PTOV1: variants seen among roughly 807,000 people sequenced by gnomAD.
PTOV1 encodes prostate tumor-overexpressed gene 1 protein.
PTOV1 carries 20 observed loss-of-function variants against 58.0 expected under a neutral mutation model. That is an observed-to-expected ratio of 0.34 (90% CI 0.24 to 0.50). The LOEUF is 0.50. Among genes scored for constraint, PTOV1 ranks in the 20% least tolerant of loss-of-function variants. The pLI is 0.98. For missense variants in PTOV1, 593 were observed against 565.4 expected (o/e 1.05, Z -0.50); for synonymous variants, 335 against 234.2 (o/e 1.43, Z -3.93).
At chr19:49,860,640 TG>T in exon 12 of PTOV1, 1 of 443,142 alleles carries the variant, frequency 2.3e-6, no homozygotes, top group Non-Finnish European at 4.0e-6. Context: ...CAGGGGCCCC[TG>T]GGGACTTCAA....
At chr19:49,853,715 A>C (rs1426449653) in intron 1 of PTOV1, among the ~76,000 whole-genome samples, 1 of 152,100 alleles carries the variant, frequency 6.6e-6, no homozygotes, top group Admixed American at 6.6e-5. Flanking sequence ...GGTGTTCTAC[A>C]TGTTTTGGTC....
exon 6 of PTOV1, chr19:49,857,053 A>T (rs748869823): frequency 6.2e-7 from 1 of 1,614,054 alleles, no homozygotes; most frequent in South Asian, 1.1e-5. Context: ...CAAGAAGAAG[A>T]TCTTCATGGG....
rs754859638 is a variant in PTOV1, at chr19:49,857,040, G to A, written c.624G>A (p.Ser208=). The change falls in exon 6 of 12, where the codon TCG becomes TCA. Residue 208 remains serine (S), a synonymous_variant. Transcript: ENST00000391842. ...TGCGCGTGCTCATGCTCCTGTACTC[G>A]TCCAAGAAGAAGATCTTCATGGGCC... 1.6e-5 allele frequency: 26 copies of A among 1,613,966 alleles called. 1 individual carries two copies. Among genetic ancestry groups the A allele is most frequent in the South Asian group, 9.9e-5 (9 of 91,084 alleles).
At chr19:49,859,946 T>C in intron 10 of PTOV1, 40 bp from the exon 11 acceptor site, 1 of 1,606,234 alleles carries the variant, frequency 6.2e-7, no homozygotes, top group Non-Finnish European at 8.5e-7. Flanking sequence ...TGCTGGTCCC[T>C]GTGGTGCTGT....
chr19:49,853,439 TG>T (rs1225704894), intron 1 of PTOV1, among the ~76,000 whole-genome samples: 1 of 150,758 alleles, frequency 6.6e-6, no homozygotes, highest in Non-Finnish European at 1.5e-5. Context: ...GCGGATCACT[TG>T]AGGTCAGGAG....
chr19:49,851,704 G>GTGGGGGGT (rs1291445183), intron 1 of PTOV1: 1 of 1,147,640 alleles, frequency 8.7e-7, no homozygotes, highest in African/African-American at 1.6e-5. Context: ...TCGGGCCGGG[G>GTGGGGGGT]TGGGGGGTTG....
exon 12 of PTOV1, chr19:49,860,309 G>T (rs768718750): frequency 1.3e-6 from 2 of 1,580,920 alleles, no homozygotes; most frequent in East Asian, 4.7e-5. Context: ...CCCTCCAGGA[G>T]TCACAGATGA....
At chr19:49,858,181 C>T in intron 9 of PTOV1, 67 bp downstream of exon 9, 2 of 1,557,230 alleles carry the variant, frequency 1.3e-6, no homozygotes, top group Non-Finnish European at 1.7e-6. Context: ...GGGCTGGGGG[C>T]AAGAGCGCCT....
rs757211009 is a variant in PTOV1, at chr19:49,855,088, C to T, written c.558+11C>T. On this transcript the variant is annotated intron_variant, in intron 5 of 11. Transcript: ENST00000391842. ...ATGGGCAACGGCTTCGTGAGTGGGG[C>T]GGGCTCCCTTGTAGCACTGTGGTGA... 31 of 1,574,280 alleles carry T rather than the reference C, an allele frequency of 2.0e-5. No individual in the cohort carries two copies. Among genetic ancestry groups the T allele is most frequent in the South Asian group, 4.6e-5 (4 of 86,712 alleles).
At chr19:49,857,250 AG>A (rs1351012327) in intron 6 of PTOV1, 120 bp downstream of exon 6, 21 of 1,399,298 alleles carry the variant, frequency 1.5e-5, no homozygotes, top group Admixed American at 3.7e-5. Flanking sequence ...AAGGAGCTGC[AG>A]GGGAGCCCGG....
In PTOV1 at chr19:49,854,428, C is replaced by T. The variant is rs1174707704; in HGVS notation, c.194C>T (p.Ala65Val). The stretch of plus-strand genomic sequence containing the variant: ...CAGGAAGGTGCTCGGGTCTTCGGGG[C>T]ACTGGGTCCCATCGGTCCCTCCTCA... The change falls in exon 2 of 12, where the codon GCA becomes GTA. Residue 65 changes from alanine to valine, a missense_variant. Physicochemically the swap from Ala to Val is moderately conservative, Grantham distance 64. Coordinates refer to ENST00000391842, the Ensembl canonical transcript of PTOV1. 1.9e-6 allele frequency: 3 copies of T among 1,611,238 alleles called. No homozygotes were observed. Among genetic ancestry groups the T allele is most frequent in the East Asian group, 2.2e-5 (1 of 44,878 alleles).
upstream of PTOV1, chr19:49,850,876 T>G: frequency 1.3e-6 from 2 of 1,535,744 alleles, no homozygotes; most frequent in Non-Finnish European, 1.7e-6. Flanking sequence ...GGCCCAGGGC[T>G]CCGGATGAGG....
At chr19:49,854,882 G>C (rs1420967306) in exon 4 of PTOV1, 4 of 1,612,880 alleles carry the variant, frequency 2.5e-6, no homozygotes, top group Non-Finnish European at 3.4e-6. Context: ...TCCCTCAGCA[G>C]CTGCTGGTGA....
chr19:49,851,025 C>T (rs1312088306), upstream of PTOV1: 1 of 1,528,174 alleles, frequency 6.5e-7, no homozygotes, highest in Non-Finnish European at 8.8e-7. Context: ...CTCCCCCGCG[C>T]CGGAGAGGCC....
intron 5 of PTOV1, 186 bp from the exon 6 acceptor site, chr19:49,856,789 C>A (rs10418141): frequency 0.29 from 196,299 of 668,642 alleles, 29,675 homozygotes; most frequent in Middle Eastern, 0.39. Flanking sequence ...ATGGCAGGGT[C>A]GGGGGATGCC....
chr19:49,859,628 C>T (rs1644911790), intron 10 of PTOV1, among the ~76,000 whole-genome samples: 1 of 152,154 alleles, frequency 6.6e-6, no homozygotes, highest in African/African-American at 2.4e-5. Flanking sequence ...TGTACCTCAG[C>T]CCTTGCTTGT....
intron 6 of PTOV1, 170 bp downstream of exon 6, chr19:49,857,300 A>G: frequency 1.0e-6 from 1 of 953,472 alleles, no homozygotes; most frequent in Non-Finnish European, 1.6e-6. Context: ...TCCATGGAAA[A>G]GCGGCCACTG....
At position 49,854,956 on chromosome 19, in the gene PTOV1, C is replaced by T; in HGVS notation, c.451-14C>T. ...ATGCCTGGCTGACCCAGCTGTCTGT[C>T]CTGTCGCCCCCAGACCACCCTGGGC... On this transcript the variant is annotated splice_polypyrimidine_tract_variant and intron_variant, in intron 4 of 11. Transcript: ENST00000391842. 2 of 1,473,902 alleles carry T rather than the reference C, an allele frequency of 1.4e-6. No homozygotes were observed. The highest frequency in any genetic ancestry group is 1.2e-5 in the South Asian group (1 of 86,928). The allele number at this position is 1,473,902 out of a possible 1,614,324, so 91.3% of individuals were successfully genotyped here.
At chr19:49,858,740 C>T (rs1449252616) in intron 10 of PTOV1, 87 bp downstream of exon 10, 3 of 1,136,662 alleles carry the variant, frequency 2.6e-6, no homozygotes, top group East Asian at 5.2e-5. Context: ...GGGAGAGGAA[C>T]AGAGCACCAT....
Sources: gnomAD v4.1 joint callset for allele counts (sites outside exome capture counted in the v4.1 genomes callset) on GRCh38, gnomAD v4.1.1 for gene constraint, MANE v1.5 for transcripts, NCBI Gene and HGNC (gene_info 2026-07-23, HGNC 2026-07-21) for gene names.